The following CNOT6L variants were observed in gnomAD, a reference collection of about 807,000 sequenced individuals.
CNOT6L encodes the protein CCR4-NOT transcription complex subunit 6-like.
A neutral mutation model predicts 64.0 loss-of-function variants in CNOT6L; 7 were observed. The ratio of observed to expected loss-of-function variants is 0.11; its 90% CI spans 0.06 to 0.21. The LOEUF is 0.21. Among genes scored for constraint, CNOT6L ranks in the 10% least tolerant of loss-of-function variants. The pLI, the probability that CNOT6L is intolerant of heterozygous loss-of-function variation, is 1.00. For missense variants in CNOT6L, 245 were observed against 669.0 expected (o/e 0.37, Z 6.99); for synonymous variants, 193 against 243.4 (o/e 0.79, Z 1.93).
rs10649868 is a variant in CNOT6L, at chr4:77,794,150, C to CAAAAA, written c.6-17763_6-17759dup. ...CTGGCAACAGAGTAAGACTCTGTCT[C>CAAAAA]AAAAAAAAAAAAAAAAAAAAAAAAA... On this transcript the variant is annotated intron_variant, in intron 1 of 11. Coordinates refer to ENST00000504123, the MANE Select transcript of CNOT6L (RefSeq NM_144571.3). 5.6e-4 allele frequency among the ~76,000 whole-genome samples: 29 copies of CAAAAA among 51,998 alleles called. 4 individuals are homozygous for CAAAAA. The highest frequency in any genetic ancestry group is 0.045 in the Middle Eastern group (2 of 44). The allele number at this position is 51,998 out of a possible 152,430, so 34.1% of individuals were successfully genotyped here. A position where few individuals can be genotyped will look rare whatever the true frequency, so the allele number is the denominator to read the frequency against.
chr4:77,755,557 C>T (rs1725467842), intron 5 of CNOT6L, among the ~76,000 whole-genome samples: 2 of 152,092 alleles, frequency 1.3e-5, no homozygotes, highest in African/African-American at 2.4e-5. Flanking sequence ...CATACACATG[C>T]TATGTATACA....
chr4:77,768,585 T>C lies in CNOT6L; in HGVS notation c.400+4496A>G, dbSNP rs57612721. 1.7e-3 allele frequency among the ~76,000 whole-genome samples: 256 copies of C among 149,036 alleles called. 2 individuals are homozygous for C. The highest frequency in any genetic ancestry group is 5.2e-3 in the African/African-American group (210 of 40,376). On this transcript the variant is annotated intron_variant, in intron 4 of 11. Transcript: ENST00000504123. ...GCCATAGAGTGGGAGAAGACACTTA[T>C]AACGCAAAATAGAAAAAAGAACTCC...
At chr4:77,788,012 T>G (rs1729646252) in intron 1 of CNOT6L, among the ~76,000 whole-genome samples, 1 of 152,232 alleles carries the variant, frequency 6.6e-6, no homozygotes, top group Non-Finnish European at 1.5e-5. Context: ...CCAATACTAG[T>G]ATCATAAATC....
chr4:77,760,993 G>A (rs1726165290), intron 4 of CNOT6L, among the ~76,000 whole-genome samples: 1 of 149,508 alleles, frequency 6.7e-6, no homozygotes, highest in African/African-American at 2.5e-5. Context: ...TGGGATTACA[G>A]GCATGAGCCA....
At chr4:77,754,911 A>AAAAAAAAC (rs1725334434) in intron 5 of CNOT6L, among the ~76,000 whole-genome samples, 1 of 144,378 alleles carries the variant, frequency 6.9e-6, no homozygotes, top group African/African-American at 2.5e-5. Context: ...AAAAAAAAAA[A>AAAAAAAAC]AACCGGTTTC....
At chr4:77,725,984 A>T in intron 11 of CNOT6L, 183 bp downstream of exon 11, 1 of 597,018 alleles carries the variant, frequency 1.7e-6, no homozygotes, top group Non-Finnish European at 3.0e-6. Context: ...AGAAGAATTT[A>T]AGACAACAAT....
intron 7 of CNOT6L, among the ~76,000 whole-genome samples, chr4:77,742,906 T>A (rs948610277): frequency 3.9e-5 from 6 of 152,248 alleles, no homozygotes; most frequent in African/African-American, 1.4e-4. Context: ...TGAAGATAAT[T>A]TATGTATGCA....
intron 1 of CNOT6L, among the ~76,000 whole-genome samples, chr4:77,788,099 AAAAGTAAGTT>A (rs1483035911): frequency 6.6e-6 from 1 of 152,226 alleles, no homozygotes; most frequent in African/African-American, 2.4e-5. Context: ...CAATTTGGCA[AAAAGTAAGTT>A]AAAATAGCTC....
At position 77,720,573 on chromosome 4, in the gene CNOT6L, G is replaced by C. The variant is rs377549782; in HGVS notation, c.1526C>G (p.Pro509Arg). The C allele has an allele frequency of 1.5e-5, 24 of 1,613,248 alleles. No homozygotes were observed. The highest frequency in any genetic ancestry group is 2.0e-5 in the Non-Finnish European group (24 of 1,179,456). Residue 509 changes from proline (P) to arginine (R), a missense_variant, in exon 12 of 12, where the codon CCT becomes CGT. Around this residue, in one of 10 missense-constraint regions of CNOT6L, gnomAD observed 20 missense variants for 26.4 expected, o/e 0.76. Transcript: ENST00000504123. ...GATGTTGTTCTCAACCAGCCATTGAGGATCTAAAGGCCCCAGGACACCAAG... is the reference window on the plus strand; with the variant it reads ...GATGTTGTTCTCAACCAGCCATTGACGATCTAAAGGCCCCAGGACACCAAG... ...NVLGVLGPLDPQWLVENNITG... is the reference protein window; with the variant it reads ...NVLGVLGPLDRQWLVENNITG...
chr4:77,753,282 T>C (rs1725058739), intron 5 of CNOT6L, among the ~76,000 whole-genome samples: 1 of 151,094 alleles, frequency 6.6e-6, no homozygotes, highest in Non-Finnish European at 1.5e-5. Context: ...TTAAATAAAT[T>C]TTACAAAACC....
intron 1 of CNOT6L, among the ~76,000 whole-genome samples, chr4:77,781,178 CA>C (rs2049023057): frequency 6.6e-6 from 1 of 151,718 alleles, no homozygotes; most frequent in African/African-American, 2.4e-5. Context: ...CAGGGCCTGT[CA>C]GGGGGTAGGG....
intron 1 of CNOT6L, among the ~76,000 whole-genome samples, chr4:77,811,271 C>T (rs533184299): frequency 8.5e-5 from 13 of 152,108 alleles, no homozygotes; most frequent in Non-Finnish European, 1.9e-4. Flanking sequence ...AAGAAAGGGT[C>T]GGGCGCGGTG....
At chr4:77,727,824 G>A (rs1477907211) in intron 10 of CNOT6L, among the ~76,000 whole-genome samples, 1 of 152,112 alleles carries the variant, frequency 6.6e-6, no homozygotes, top group Admixed American at 6.5e-5. Flanking sequence ...ATTAGGCTAG[G>A]GGTTAAAGAC....
intron 5 of CNOT6L, among the ~76,000 whole-genome samples, chr4:77,754,031 A>T (rs1478493622): frequency 6.6e-6 from 1 of 152,154 alleles, no homozygotes; most frequent in Non-Finnish European, 1.5e-5. Flanking sequence ...TTAGACAAGG[A>T]TGCCCATTAT....
In CNOT6L at chr4:77,718,550, A is replaced by G. The variant is rs1231459637; in HGVS notation, c.*1881T>C. 1.3e-5 allele frequency: 2 copies of G among 152,520 alleles called. No homozygotes were observed. The highest frequency in any genetic ancestry group is 4.8e-5 in the African/African-American group (2 of 41,418). The allele number at this position is 152,520 out of a possible 1,614,324, so 9.4% of individuals were successfully genotyped here. A position where few individuals can be genotyped will look rare whatever the true frequency, so the allele number is the denominator to read the frequency against. On this transcript the variant is annotated 3_prime_UTR_variant, in exon 12 of 12. Transcript: ENST00000504123. ...TTTTATTTACATCAAAATTCACTGA[A>G]CTACAATGACATTCCAATTATAATA...
chr4:77,794,237 G>A (rs562135700), intron 1 of CNOT6L, among the ~76,000 whole-genome samples: 1 of 148,886 alleles, frequency 6.7e-6, no homozygotes, highest in South Asian at 2.1e-4. Context: ...TCTCAACCTT[G>A]GTTGGCCTTT....
intron 4 of CNOT6L, among the ~76,000 whole-genome samples, chr4:77,760,603 G>A (rs1003893234): frequency 7.9e-5 from 12 of 150,972 alleles, no homozygotes; most frequent in African/African-American, 2.4e-4. Context: ...AATTCAAAGC[G>A]TGGCACAGTT....
chr4:77,789,906 G>A (rs1729922302), intron 1 of CNOT6L, among the ~76,000 whole-genome samples: 1 of 143,036 alleles, frequency 7.0e-6, no homozygotes. Flanking sequence ...ACCGGTGATT[G>A]TGCCACTGCA....
Position 77,776,150 on chromosome 4 carries a change from C to A in CNOT6L, c.127+121G>T, listed in dbSNP as rs1178174563. On this transcript the variant is annotated intron_variant, in intron 2 of 11. Coordinates refer to ENST00000504123, the MANE Select transcript of CNOT6L (RefSeq NM_144571.3). ...TAAAACAGAAAACACTAGTATCTTA[C>A]CATCTTGTAGTTTTTCAATGAGTCC... The A allele has an allele frequency of 5.3e-6, 5 of 935,420 alleles. No homozygotes were observed. In the East Asian group the frequency reaches 1.2e-4, roughly 23 times the overall value. The allele number at this position is 935,420 out of a possible 1,614,324, so 57.9% of individuals were successfully genotyped here. A position where few individuals can be genotyped will look rare whatever the true frequency, so the allele number is the denominator to read the frequency against.
Sources: allele counts gnomAD v4.1 joint callset (sites outside exome capture counted in the v4.1 genomes callset), GRCh38; gene constraint gnomAD v4.1.1; regional missense constraint gnomAD v4.1.1; transcripts MANE v1.5; gene names NCBI Gene and HGNC (gene_info 2026-07-23, HGNC 2026-07-21).